ZFPM2: variants seen among roughly 807,000 people sequenced by gnomAD.
ZFPM2 encodes zinc finger protein, FOG family member 2, also known as zinc finger protein ZFPM2.
Under a neutral mutation model 98.6 loss-of-function variants are expected in ZFPM2, and 20 were observed. The observed-to-expected ratio is 0.20, with a 90% CI of 0.14 to 0.29. ZFPM2 has a LOEUF of 0.29. ZFPM2 is among the 10% of genes least tolerant of loss of function. The probability of loss-of-function intolerance (pLI) is 1.00; values close to 1 mark genes in which losing one functional copy is unlikely to be tolerated. For missense variants in ZFPM2, 1,310 were observed against 1,388.6 expected (o/e 0.94, Z 0.90); for synonymous variants, 518 against 502.7 (o/e 1.03, Z -0.41).
chr8:105,441,482 G>GAAAGAAAAGAAAAGAAAAGA (rs1554604997), intron 2 of ZFPM2, among the ~76,000 whole-genome samples: 3 of 85,408 alleles, frequency 3.5e-5, no homozygotes, highest in African/African-American at 2.3e-4. Flanking sequence ...AAGAAAGAAA[G>GAAAGAAAAGAAAAGAAAAGA]AAAGAAAGAA....
rs1160604404 is a variant in ZFPM2 at position 105,803,329 on chromosome 8, C to A, written c.3247C>A (p.Pro1083Thr). 1.2e-6 allele frequency: 2 copies of A among 1,605,650 alleles called. No individual in the cohort carries two copies. The highest frequency in any genetic ancestry group is 1.7e-6 in the Non-Finnish European group (2 of 1,175,142). ...ATCTCCCTCGTGGATCTCTGAGAAC[C>A]CATTAGCTGCCAATGAGAATGTCTC... Reference protein sequence around the residue: ...HKSPSWISENPLAANENVSPG... With the variant: ...HKSPSWISENTLAANENVSPG... The change falls in exon 8 of 8, where the codon CCA becomes ACA. Residue 1083 changes from proline (P) to threonine (T), a missense_variant. Coordinates refer to ENST00000407775, the MANE Select transcript of ZFPM2 (RefSeq NM_012082.4).
In ZFPM2 at chr8:105,322,451, C is replaced by CTTTT. The variant is rs11303818; in HGVS notation, c.40+3484_40+3487dup. 3.3e-4 allele frequency among the ~76,000 whole-genome samples: 41 copies of CTTTT among 125,212 alleles called. 1 individual carries two copies. The highest frequency in any genetic ancestry group is 5.0e-4 in the Non-Finnish European group (29 of 57,938). The allele number at this position is 125,212 out of a possible 152,430, so 82.1% of individuals were successfully genotyped here. ...TGGGTGCAGGAAGAGGTGGACATCA[C>CTTTT]TTTTTTTTTTTTTTTTTGCAAATGA... On this transcript the variant is annotated intron_variant, in intron 1 of 7. Coordinates refer to ENST00000407775, the MANE Select transcript of ZFPM2 (RefSeq NM_012082.4).
At chr8:105,386,820 C>T (rs2129908313) in intron 1 of ZFPM2, among the ~76,000 whole-genome samples, 1 of 152,122 alleles carries the variant, frequency 6.6e-6, no homozygotes, top group Admixed American at 6.5e-5. Flanking sequence ...GTTTACAATC[C>T]CTGAGCTAGA....
intron 1 of ZFPM2, chr8:105,414,732 G>A (rs1363314122): frequency 6.6e-6 from 1 of 151,612 alleles, no homozygotes; most frequent in Non-Finnish European, 1.5e-5. Context: ...TCATTTATCT[G>A]GGGGACTAAG....
At chr8:105,714,040 GT>G (rs1563533144) in intron 5 of ZFPM2, among the ~76,000 whole-genome samples, 1 of 151,974 alleles carries the variant, frequency 6.6e-6, no homozygotes, top group Non-Finnish European at 1.5e-5. Flanking sequence ...TCTGTAGATT[GT>G]TTTGGGCAGT....
At chr8:105,753,558 G>A (rs1400914091) in intron 5 of ZFPM2, among the ~76,000 whole-genome samples, 3 of 152,044 alleles carry the variant, frequency 2.0e-5, no homozygotes, top group Admixed American at 6.6e-5. Context: ...AAAGAAAATT[G>A]CATTTCTAAA....
intron 1 of ZFPM2, 130 bp from the exon 2 acceptor site, chr8:105,419,014 C>A: frequency 1.4e-6 from 1 of 739,180 alleles, no homozygotes; most frequent in Non-Finnish European, 2.2e-6. Context: ...TTTTGTGAGT[C>A]CCCTTGGTGG....
At chr8:105,545,275 CT>C (rs1814670360) in intron 3 of ZFPM2, among the ~76,000 whole-genome samples, 1 of 152,094 alleles carries the variant, frequency 6.6e-6, no homozygotes, top group African/African-American at 2.4e-5. Context: ...TTGTCCCTGA[CT>C]TTTTAATGTA....
intron 5 of ZFPM2, among the ~76,000 whole-genome samples, chr8:105,770,521 A>G (rs982361486): frequency 2.0e-5 from 3 of 152,058 alleles, no homozygotes; most frequent in Non-Finnish European, 4.4e-5. Context: ...CCCAACCCCC[A>G]CATTATCGTG....
In ZFPM2 at chr8:105,803,509, T is replaced by C. The variant is rs569996512; in HGVS notation, c.3427T>C (p.Ser1143Pro). Residue 1143 changes from serine (S) to proline (P), a missense_variant, in exon 8 of 8, where the codon TCA (serine) becomes CCA (proline). Coordinates refer to ENST00000407775, the MANE Select transcript of ZFPM2 (RefSeq NM_012082.4). ...NFITHKKFYC[S>P]SHAAEHVK ...TATAACTCACAAGAAGTTTTATTGC[T>C]CATCACATGCAGCAGAACATGTCAA... The C allele has an allele frequency of 1.9e-6, 3 of 1,611,106 alleles. No individual in the cohort carries two copies. Among genetic ancestry groups the C allele is most frequent in the South Asian group, 2.2e-5 (2 of 90,484 alleles).
At chr8:105,705,977 C>T (rs1377822230) in intron 5 of ZFPM2, among the ~76,000 whole-genome samples, 2 of 152,160 alleles carry the variant, frequency 1.3e-5, no homozygotes, top group Non-Finnish European at 2.9e-5. Flanking sequence ...CATGCAATTT[C>T]ACTTTCACAT....
intron 4 of ZFPM2, among the ~76,000 whole-genome samples, chr8:105,572,896 A>G (rs761717001): frequency 2.0e-5 from 3 of 152,022 alleles, no homozygotes; most frequent in African/African-American, 4.8e-5. Context: ...ATTTTGTATC[A>G]CTTTCTATTT....
chr8:105,378,460 A>G (rs761241464), intron 1 of ZFPM2, among the ~76,000 whole-genome samples: 1 of 152,158 alleles, frequency 6.6e-6, no homozygotes, highest in Non-Finnish European at 1.5e-5. Flanking sequence ...ATTTGTGTAC[A>G]TGCCTTAATC....
chr8:105,746,951 A>G (rs1347204226), intron 5 of ZFPM2, among the ~76,000 whole-genome samples: 1 of 151,958 alleles, frequency 6.6e-6, no homozygotes, highest in East Asian at 1.9e-4. Context: ...ACATTTTGTT[A>G]TTTTCCTCTG....
rs112267516 is a variant in ZFPM2, at chr8:105,696,192, G to A, written c.532+61835G>A. ...CAGGTCTACCCCTTTGGGCCCTGCCGTGCACCATCCTGGTGTTCTCAATGG... is the reference window on the plus strand; with the variant it reads ...CAGGTCTACCCCTTTGGGCCCTGCCATGCACCATCCTGGTGTTCTCAATGG... On this transcript the variant is annotated intron_variant, in intron 5 of 7. Transcript: ENST00000407775. Among the ~76,000 whole-genome samples, 680 of 152,286 alleles carry A rather than the reference G, an allele frequency of 4.5e-3. 8 individuals carry two copies. The highest frequency in any genetic ancestry group is 0.026 in the South Asian group (123 of 4,822).
chr8:105,653,854 C>CTTTTTTTTTT lies in ZFPM2; in HGVS notation c.532+19521_532+19530dup, dbSNP rs60218363. Among the ~76,000 whole-genome samples, 173 of 35,294 alleles carry CTTTTTTTTTT rather than the reference C, an allele frequency of 4.9e-3. 44 individuals are homozygous for CTTTTTTTTTT. Among genetic ancestry groups the CTTTTTTTTTT allele is most frequent in the Non-Finnish European group, 6.6e-3 (135 of 20,370 alleles). The allele number at this position is 35,294 out of a possible 152,430, so 23.2% of individuals were successfully genotyped here. ...CTTTATACAACAGCTTGTGTGCTATCTTTTTTTTTTTTTTTTTTTTTTTTT... is the reference window on the plus strand; with the variant it reads ...CTTTATACAACAGCTTGTGTGCTATCTTTTTTTTTTTTTTTTTTTTTTTTTTTTTTTTTTT... On this transcript the variant is annotated intron_variant, in intron 5 of 7. Coordinates refer to ENST00000407775, the MANE Select transcript of ZFPM2 (RefSeq NM_012082.4).
chr8:105,419,148 G>C lies in ZFPM2; in HGVS notation c.45G>C (p.Pro15=). The change falls in exon 2 of 8, where the codon CCG becomes CCC. Residue 15 remains proline, a synonymous_variant. Coordinates refer to ENST00000407775, the MANE Select transcript of ZFPM2 (RefSeq NM_012082.4). ...KQSKPRQIKR[P]LEDAIEDEEE... is the part of the protein sequence containing the mutation. ...TTTCCCTGATTCTTTTTCAAGGGCC[G>C]CTTGAAGATGCCATTGAAGATGAGG... is the stretch of plus-strand genomic sequence containing the variant. 6.2e-7 allele frequency: 1 copy of C among 1,610,252 alleles called. No individual in the cohort carries two copies. Among genetic ancestry groups the C allele is most frequent in the South Asian group, 1.1e-5 (1 of 90,024 alleles).
At chr8:105,443,033 G>A (rs566830997) in intron 2 of ZFPM2, among the ~76,000 whole-genome samples, 5 of 152,052 alleles carry the variant, frequency 3.3e-5, no homozygotes, top group African/African-American at 9.6e-5. Context: ...ATTATTGGCC[G>A]GGCACAGTGT....
chr8:105,746,654 A>ATTTTTTTTTTTTTTTT lies in ZFPM2; in HGVS notation c.533-42064_533-42063insTTTTTTTTTTTTTTTT, dbSNP rs1563546914. Among the ~76,000 whole-genome samples the ATTTTTTTTTTTTTTTT allele has an allele frequency of 7.1e-5, 8 of 112,052 alleles. 2 individuals carry two copies. The highest frequency in any genetic ancestry group is 1.3e-4 in the Non-Finnish European group (7 of 54,000). The allele number at this position is 112,052 out of a possible 152,430, so 73.5% of individuals were successfully genotyped here. A position where few individuals can be genotyped will look rare whatever the true frequency, so the allele number is the denominator to read the frequency against. On this transcript the variant is annotated intron_variant, in intron 5 of 7. Transcript: ENST00000407775. ...TGCGTTTTCTTGTTCTGTTTTTAAAAATTTTTTTTTTTTTTTTTTTTTTGG... is the reference window on the plus strand; with the variant it reads ...TGCGTTTTCTTGTTCTGTTTTTAAAATTTTTTTTTTTTTTTTATTTTTTTTTTTTTTTTTTTTTTGG...
Sources: gnomAD v4.1 joint callset for allele counts (sites outside exome capture counted in the v4.1 genomes callset) on GRCh38, gnomAD v4.1.1 for gene constraint, MANE v1.5 for transcripts, NCBI Gene and HGNC (gene_info 2026-07-23, HGNC 2026-07-21) for gene names.